Variants in EXOSC7 observed in about 807,000 individuals in gnomAD.
EXOSC7 encodes exosome complex component RRP42.
EXOSC7 carries 25 observed loss-of-function variants against 34.3 expected under a neutral mutation model. That is an observed-to-expected ratio of 0.73 (90% confidence interval 0.53 to 1.02). The LOEUF (loss-of-function observed/expected upper bound fraction) is 1.02. EXOSC7 is among the 50% of genes least tolerant of loss of function. The pLI, the probability that EXOSC7 is intolerant of heterozygous loss-of-function variation, is 0.00. For synonymous variants in EXOSC7, 130 were observed against 143.0 expected, an observed-to-expected ratio of 0.91 and a Z score of 0.65; for missense variants, 370 against 368.5, an observed-to-expected ratio of 1.00 and a Z score of -0.03.
chr3:45,003,045 TGG>T (rs1706923439), intron 5 of EXOSC7, among the ~76,000 whole-genome samples: 1 of 152,098 alleles, frequency 6.6e-6, no homozygotes, highest in Non-Finnish European at 1.5e-5. Context: ...TGTTTAGCTG[TGG>T]GGGAGTTGCT....
At chr3:44,983,993 C>A (rs1706342244) in intron 1 of EXOSC7, among the ~76,000 whole-genome samples, 1 of 152,088 alleles carries the variant, frequency 6.6e-6, no homozygotes, top group African/African-American at 2.4e-5. Flanking sequence ...AAATTTGTAG[C>A]TTTTCATTTA....
chr3:45,002,591 G>C (rs1250376174), intron 5 of EXOSC7, among the ~76,000 whole-genome samples: 1 of 152,078 alleles, frequency 6.6e-6, no homozygotes, highest in African/African-American at 2.4e-5. Flanking sequence ...TTTTACTTTG[G>C]TAGTTCTTAT....
At chr3:45,006,462 T>C (rs1386291034) in intron 6 of EXOSC7, among the ~76,000 whole-genome samples, 1 of 131,704 alleles carries the variant, frequency 7.6e-6, no homozygotes. Context: ...CAGGCCGGAC[T>C]GCGGACTGCA....
chr3:44,985,738 C>T (rs1706392662), intron 1 of EXOSC7, among the ~76,000 whole-genome samples: 3 of 152,146 alleles, frequency 2.0e-5, no homozygotes, highest in African/African-American at 7.2e-5. Flanking sequence ...AAGCGGGTTG[C>T]CACTGCTGGC....
rs147140288 is a variant in EXOSC7, at chr3:45,009,080, T to C, written c.771+1505T>C. ...CTGGAGCTAGGATTTAAGCCAAGAC[T>C]GTGTGCGTCCAGAGCCCCTGCTCCC... On this transcript the variant is annotated intron_variant, in intron 7 of 7. Coordinates refer to ENST00000265564, the MANE Select transcript of EXOSC7 (RefSeq NM_015004.4). Among the ~76,000 whole-genome samples, 520 of 152,256 alleles carry C rather than the reference T, an allele frequency of 3.4e-3. 4 individuals carry two copies. The highest frequency in any genetic ancestry group is 0.01 in the Middle Eastern group (3 of 294).
chr3:45,006,477 T>A (rs7626303), intron 6 of EXOSC7, among the ~76,000 whole-genome samples: 1 of 136,938 alleles, frequency 7.3e-6, no homozygotes, highest in Non-Finnish European at 1.5e-5. Flanking sequence ...ACTGCAGTGG[T>A]GCAATCTCGG....
chr3:45,007,424 G>A lies in EXOSC7; in HGVS notation c.620G>A (p.Gly207Asp), dbSNP rs545449816. 3 of 1,614,146 alleles carry A rather than the reference G, an allele frequency of 1.9e-6. No individual in the cohort carries two copies. The South Asian group carries it at 3.3e-5, about 18-fold the overall frequency. Residue 207 changes from glycine (G) to aspartate (D), a missense_variant, in exon 7 of 8, where the codon GGC becomes GAC. Gly to Asp is a moderately conservative substitution (Grantham distance 94). This residue lies in a region of EXOSC7 where 255 missense variants were observed against 246.4 expected (regional missense o/e 1.03). Coordinates refer to ENST00000265564, the MANE Select transcript of EXOSC7 (RefSeq NM_015004.4). ...CCACGCACCCTGCCTTTGCAGATTG[G>A]CTATCGGCATGTGGTGGATGCTACT... ...VPCIVTLCKI[G>D]YRHVVDATLQ...
intron 3 of EXOSC7, among the ~76,000 whole-genome samples, chr3:44,990,937 A>G (rs952584009): frequency 3.9e-5 from 6 of 152,196 alleles, no homozygotes; most frequent in Non-Finnish European, 8.8e-5. Flanking sequence ...TTTTGCACAA[A>G]TGTTAACCCA....
downstream of EXOSC7, among the ~76,000 whole-genome samples, chr3:45,011,931 C>G (rs1193648941): frequency 1.3e-5 from 2 of 152,204 alleles, no homozygotes; most frequent in African/African-American, 4.8e-5. Context: ...TCTTATCACT[C>G]TTGTTTTGAA....
At chr3:44,994,308 G>T (rs369532795) in intron 3 of EXOSC7, among the ~76,000 whole-genome samples, 17 of 150,600 alleles carry the variant, frequency 1.1e-4, no homozygotes, top group East Asian at 9.7e-4. Context: ...GACCATCTGG[G>T]GTTTCACAGT....
chr3:44,987,365 T>C (rs1706449591), intron 1 of EXOSC7, among the ~76,000 whole-genome samples: 1 of 152,168 alleles, frequency 6.6e-6, no homozygotes, highest in Admixed American at 6.5e-5. Flanking sequence ...AAATAAGTAA[T>C]TAAAAGTAAC....
chr3:44,991,312 G>A (rs1263142421), intron 3 of EXOSC7, among the ~76,000 whole-genome samples: 1 of 152,066 alleles, frequency 6.6e-6, no homozygotes, highest in African/African-American at 2.4e-5. Flanking sequence ...CATGGAATTG[G>A]CCCATCCTTT....
chr3:45,001,789 C>T (rs772584377), intron 5 of EXOSC7, 181 bp downstream of exon 5: 7 of 573,572 alleles, frequency 1.2e-5, no homozygotes, highest in African/African-American at 1.9e-5. Flanking sequence ...ATTAAAACTA[C>T]ATATATACGT....
At chr3:44,990,892 G>A (rs1706552227) in intron 3 of EXOSC7, among the ~76,000 whole-genome samples, 1 of 152,188 alleles carries the variant, frequency 6.6e-6, no homozygotes, top group Non-Finnish European at 1.5e-5. Flanking sequence ...AGACCCTTCT[G>A]AAAATAGCAC....
At position 44,976,343 on chromosome 3, in the gene EXOSC7, A is replaced by G. The variant is rs377131187; in HGVS notation, c.57+9A>G. 1.1e-5 allele frequency: 18 copies of G among 1,567,940 alleles called. No homozygotes were observed. The African/African-American group carries it at 2.4e-4, about 21-fold the overall frequency. ...TCGTGCATGGCGTCCAGGTAGCTAC[A>G]GCAGCGGCGTTGGGTCGGCCGCCGG... On this transcript the variant is annotated intron_variant, in intron 1 of 7. Transcript: ENST00000265564.
At chr3:45,010,424 T>G (rs1707173252) in intron 7 of EXOSC7, among the ~76,000 whole-genome samples, 1 of 152,104 alleles carries the variant, frequency 6.6e-6, no homozygotes, top group Non-Finnish European at 1.5e-5. Flanking sequence ...ATTTTTAGTT[T>G]TTTGTAGAGA....
intron 1 of EXOSC7, among the ~76,000 whole-genome samples, chr3:44,987,570 A>AG (rs1364601889): frequency 2.6e-5 from 4 of 152,234 alleles, no homozygotes; most frequent in Non-Finnish European, 5.9e-5. Flanking sequence ...TCTAAAAAAA[A>AG]AGTTACAAGT....
chr3:44,987,485 G>A (rs1391118510), intron 1 of EXOSC7, among the ~76,000 whole-genome samples: 1 of 152,234 alleles, frequency 6.6e-6, no homozygotes, highest in African/African-American at 2.4e-5. Flanking sequence ...GGCGGGAGAA[G>A]CGCTTGAACG....
At chr3:44,994,728 C>G (rs949556360) in intron 3 of EXOSC7, among the ~76,000 whole-genome samples, 2 of 152,022 alleles carry the variant, frequency 1.3e-5, no homozygotes, top group Non-Finnish European at 2.9e-5. Context: ...AATTGCTTTC[C>G]GTTTTCCTAG....
Sources: gnomAD v4.1 joint callset for allele counts (sites outside exome capture counted in the v4.1 genomes callset) on GRCh38, gnomAD v4.1.1 for gene constraint, gnomAD v4.1.1 regional missense constraint, MANE v1.5 for transcripts, NCBI Gene and HGNC (gene_info 2026-07-23, HGNC 2026-07-21) for gene names.